The following SORL1 variants were observed in gnomAD, a reference collection of about 807,000 sequenced individuals.
The protein encoded by SORL1 is sortilin related receptor 1.
In SORL1, 127 loss-of-function variants were observed where a neutral mutation model predicts 273.7. The observed-to-expected ratio is 0.46, with a 90% CI of 0.40 to 0.54. The LOEUF (loss-of-function observed/expected upper bound fraction) is 0.54, where lower values mean the gene tolerates loss of function less well. SORL1 is among the 20% of genes least tolerant of loss of function. The probability of loss-of-function intolerance (pLI) is 0.00; values close to 1 mark genes in which losing one functional copy is unlikely to be tolerated. For missense variants in SORL1, 2,494 were observed against 2,846.1 expected, an observed-to-expected ratio of 0.88 and a Z score of 2.81; for synonymous variants, 1,031 against 1,067.4, an observed-to-expected ratio of 0.97 and a Z score of 0.66.
In SORL1 at chr11:121,627,809, AC is replaced by A; in HGVS notation, c.6577+47del. On this transcript the variant is annotated intron_variant, in intron 47 of 47. Coordinates refer to ENST00000260197, the MANE Select transcript of SORL1 (RefSeq NM_003105.6). This position sits in a 1 kb window ranked among gnomAD's most constrained non-coding sequence, Gnocchi z 4.9. ...GAGTCGGTTCTTCCTCCCAGGGCTGACCCCCACGCAGCCAATGACTTGATTA... is the reference window on the plus strand; with the variant it reads ...GAGTCGGTTCTTCCTCCCAGGGCTGACCCCACGCAGCCAATGACTTGATTA... The A allele has an allele frequency of 7.0e-7, 1 of 1,434,492 alleles. No individual in the cohort carries two copies. The highest frequency in any genetic ancestry group is 9.7e-7 in the Non-Finnish European group (1 of 1,032,808). 88.9% of individuals were successfully genotyped at this position (1,434,492 alleles called of 1,614,324 possible).
chr11:121,459,068 C>T (rs1380798083), intron 1 of SORL1, among the ~76,000 whole-genome samples: 2 of 152,288 alleles, frequency 1.3e-5, no homozygotes, highest in East Asian at 1.9e-4. Flanking sequence ...CTGGACCCTC[C>T]GATGTGGCAC....
At position 121,488,117 on chromosome 11, in the gene SORL1, G is replaced by A. The variant is rs553081304; in HGVS notation, c.614G>A (p.Arg205Gln). 44 of 1,613,982 alleles carry A rather than the reference G, an allele frequency of 2.7e-5. No homozygotes were observed. The highest frequency in any genetic ancestry group is 6.6e-5 in the South Asian group (6 of 91,070). ...NTLQGFSIPF[R>Q]AADLLLHSKA... The stretch of plus-strand genomic sequence containing the variant: ...CTTCAAGGCTTTTCCATCCCATTTC[G>A]GGCAGCTGATCTCCTCCTACACAGT... The change falls in exon 4 of 48, where the codon CGG (arginine) becomes CAG (glutamine). Residue 205 changes from arginine to glutamine, a missense_variant. By Grantham distance (43) the Arg-to-Gln change is conservative (BLOSUM62 1). Transcript: ENST00000260197.
intron 1 of SORL1, among the ~76,000 whole-genome samples, chr11:121,468,482 T>C (rs1861120814): frequency 6.6e-6 from 1 of 152,084 alleles, no homozygotes; most frequent in African/African-American, 2.4e-5. Context: ...GTGTGGTAGC[T>C]CAACCTTGGC....
Position 121,554,170 on chromosome 11 carries a change from G to T in SORL1, c.2439+61G>T. The T allele has an allele frequency of 6.8e-7, 1 of 1,476,396 alleles. No individual in the cohort carries two copies. Among genetic ancestry groups the T allele is most frequent in the East Asian group, 2.3e-5 (1 of 43,414 alleles). The allele number at this position is 1,476,396 out of a possible 1,614,324, so 91.5% of individuals were successfully genotyped here. A position where few individuals can be genotyped will look rare whatever the true frequency, so the allele number is the denominator to read the frequency against. On this transcript the variant is annotated intron_variant, in intron 17 of 47. Transcript: ENST00000260197. The surrounding 1 kb of genome is among the most constrained non-coding windows in gnomAD (Gnocchi z 4.6). ...CATCGTGACTGCCCTGTCCTGATAAGCTGCATGCAGAATGGCCTATGGAAA... is the reference window on the plus strand; with the variant it reads ...CATCGTGACTGCCCTGTCCTGATAATCTGCATGCAGAATGGCCTATGGAAA...
At chr11:121,532,437 G>A in intron 11 of SORL1, 27 bp from the exon 12 acceptor site, 2 of 1,605,048 alleles carry the variant, frequency 1.2e-6, no homozygotes, top group Non-Finnish European at 8.5e-7. Flanking sequence ...CACAGCAGTG[G>A]TGTCACCATG....
intron 5 of SORL1, among the ~76,000 whole-genome samples, chr11:121,490,514 C>T (rs1283450652): frequency 2.0e-5 from 3 of 151,960 alleles, no homozygotes; most frequent in African/African-American, 7.3e-5. Flanking sequence ...CTGAGGTGGG[C>T]AGATCACCTG....
chr11:121,540,296 C>G (rs188774512), intron 12 of SORL1, among the ~76,000 whole-genome samples: 86 of 151,894 alleles, frequency 5.7e-4, no homozygotes, highest in Admixed American at 8.5e-4. Context: ...GTTTTTGGCC[C>G]TGGGATTATG....
intron 45 of SORL1, 132 bp from the exon 46 acceptor site, chr11:121,624,953 A>C (rs868626858): frequency 5.0e-6 from 3 of 604,200 alleles, no homozygotes. Context: ...TAAAAAGAAC[A>C]AGGAGAAACC....
chr11:121,532,904 G>A (rs1348478804), intron 12 of SORL1, among the ~76,000 whole-genome samples: 4 of 151,908 alleles, frequency 2.6e-5, no homozygotes, highest in Admixed American at 6.6e-5. Flanking sequence ...GGCTAGTCTC[G>A]AACCCCTGAC....
At chr11:121,542,940 G>A (rs897354698) in intron 12 of SORL1, among the ~76,000 whole-genome samples, 3 of 151,482 alleles carry the variant, frequency 2.0e-5, no homozygotes, top group Non-Finnish European at 2.9e-5. Flanking sequence ...CACTTTGGGA[G>A]GCCGAGGCAG....
rs58254356 is a variant in SORL1 at position 121,585,500 on chromosome 11, T to TACACACACACAC, written c.3707-695_3707-684dup. Among the ~76,000 whole-genome samples, 449 of 137,536 alleles carry TACACACACACAC rather than the reference T, an allele frequency of 3.3e-3. 2 individuals are homozygous for TACACACACACAC. Among genetic ancestry groups the TACACACACACAC allele is most frequent in the African/African-American group, 7.1e-3 (251 of 35,596 alleles). The allele number at this position is 137,536 out of a possible 152,430, so 90.2% of individuals were successfully genotyped here. A position where few individuals can be genotyped will look rare whatever the true frequency, so the allele number is the denominator to read the frequency against. On this transcript the variant is annotated intron_variant, in intron 26 of 47. Transcript: ENST00000260197. ...TCTGCCTTAAAAAAAAAAATGTATATACACACACACACACACACACACACA... is the reference window on the plus strand; with the variant it reads ...TCTGCCTTAAAAAAAAAAATGTATATACACACACACACACACACACACACACACACACACACA...
rs1369149742 is a variant in SORL1, at chr11:121,529,259, C to G, written c.1597-3205C>G. Among the ~76,000 whole-genome samples the G allele has an allele frequency of 2.0e-5, 3 of 152,136 alleles. No homozygotes were observed. In the East Asian group the frequency reaches 5.8e-4, roughly 29 times the overall value. On this transcript the variant is annotated intron_variant, in intron 11 of 47. Coordinates refer to ENST00000260197, the MANE Select transcript of SORL1 (RefSeq NM_003105.6). Reference sequence around the variant, plus strand: ...TGAGTTGGTGTCTTACTCTGTCACCCAGGCTGGAGTGCAATGGTATGATCT... The same window carrying G: ...TGAGTTGGTGTCTTACTCTGTCACCGAGGCTGGAGTGCAATGGTATGATCT...
At chr11:121,454,496 T>C (rs1223935478) in intron 1 of SORL1, among the ~76,000 whole-genome samples, 1 of 152,210 alleles carries the variant, frequency 6.6e-6, no homozygotes, top group East Asian at 1.9e-4. Context: ...TTTGAGTTTC[T>C]GGGCCAGCCA....
At chr11:121,589,949 A>G in intron 29 of SORL1, 91 bp from the exon 30 acceptor site, 1 of 1,500,084 alleles carries the variant, frequency 6.7e-7, no homozygotes, top group Non-Finnish European at 9.1e-7. Flanking sequence ...GTTGCCCTGG[A>G]ACTTGGGTCT....
At position 121,452,352 on chromosome 11, in the gene SORL1, G is replaced by T. The variant is rs767702195; in HGVS notation, c.21G>T (p.Arg7Ser). 3.9e-6 allele frequency: 6 copies of T among 1,554,568 alleles called. No individual in the cohort carries two copies. In the South Asian group the frequency reaches 4.8e-5, roughly 12 times the overall value. The change falls in exon 1 of 48, where the codon AGG (arginine) becomes AGT (serine). Residue 7 changes from arginine to serine, a missense_variant. Arg to Ser is a moderately radical substitution (Grantham distance 110). Transcript: ENST00000260197. The surrounding 1 kb of genome is among the most constrained non-coding windows in gnomAD (Gnocchi z 5.3). MATRSS[R>S]RESRLPFLFT... Reference sequence around the variant, plus strand: ...CGAACATGGCGACACGGAGCAGCAGGAGGGAGTCGCGACTCCCGTTCCTAT... The same window carrying T: ...CGAACATGGCGACACGGAGCAGCAGTAGGGAGTCGCGACTCCCGTTCCTAT...
chr11:121,511,118 A>G (rs538836304), intron 6 of SORL1, among the ~76,000 whole-genome samples: 14 of 152,230 alleles, frequency 9.2e-5, no homozygotes, highest in Non-Finnish European at 1.8e-4. Flanking sequence ...TTAAGAATGA[A>G]CCTGAATTGT....
At chr11:121,534,234 G>T (rs1178773316) in intron 12 of SORL1, among the ~76,000 whole-genome samples, 1 of 152,124 alleles carries the variant, frequency 6.6e-6, no homozygotes, top group African/African-American at 2.4e-5. Flanking sequence ...TTCTCGATTT[G>T]CCTTGTTTAA....
rs749011341 is a variant in SORL1, at chr11:121,614,979, C to G, written c.5528C>G (p.Pro1843Arg). Residue 1843 changes from proline to arginine, a missense_variant, in exon 41 of 48, where the codon CCA becomes CGA. Transcript: ENST00000260197. ...CATGTTATGACCAGAGGGGTTCGCC[C>G]ACCTGCACCTAGCCTCAAGGCCAAA... The part of the protein sequence containing the change: ...FEHVMTRGVR[P>R]PAPSLKAKAI... The G allele has an allele frequency of 6.2e-7, 1 of 1,613,780 alleles. No homozygotes were observed. The highest frequency in any genetic ancestry group is 8.5e-7 in the Non-Finnish European group (1 of 1,179,902).
chr11:121,510,424 A>G (rs1861859356), intron 6 of SORL1, among the ~76,000 whole-genome samples: 1 of 152,130 alleles, frequency 6.6e-6, no homozygotes, highest in Non-Finnish European at 1.5e-5. Flanking sequence ...TTCTGTCTTA[A>G]TGTTCTGCCA....
Sources: gnomAD v4.1 joint callset for allele counts (sites outside exome capture counted in the v4.1 genomes callset) on GRCh38, gnomAD v4.1.1 for gene constraint, Gnocchi (gnomAD v3.1) non-coding constraint, MANE v1.5 for transcripts, NCBI Gene and HGNC (gene_info 2026-07-23, HGNC 2026-07-21) for gene names.